The following RANBP3L variants were observed in gnomAD, a reference collection of about 807,000 sequenced individuals.
RANBP3L encodes ran-binding protein 3-like.
A neutral mutation model predicts 67.2 loss-of-function variants in RANBP3L; 56 were observed. The ratio of observed to expected loss-of-function variants is 0.83; its 90% CI spans 0.67 to 1.04. The LOEUF (loss-of-function observed/expected upper bound fraction) is 1.04. Ranked by LOEUF, RANBP3L falls within the 50% of genes least tolerant of loss-of-function variation. The pLI is 0.00. For synonymous variants in RANBP3L, 164 were observed against 181.4 expected, an observed-to-expected ratio of 0.90 and a Z score of 0.77; for missense variants, 496 against 535.5, an observed-to-expected ratio of 0.93 and a Z score of 0.73.
At chr5:36,276,221 C>T (rs1750556825) in intron 1 of RANBP3L, among the ~76,000 whole-genome samples, 1 of 152,132 alleles carries the variant, frequency 6.6e-6, no homozygotes. Flanking sequence ...GCCATCTAAA[C>T]CTTTGAAAGA....
rs1748429306 is a variant in RANBP3L, at chr5:36,249,000, G to A, written c.*654C>T. On this transcript the variant is annotated 3_prime_UTR_variant, in exon 14 of 14. Transcript: ENST00000296604. ...TCTTACACATGCTTTTTGATACATA[G>A]GTAATGTATTATATTTTATTTATTC... 6.6e-6 allele frequency: 1 copy of A among 152,020 alleles called. No individual in the cohort carries two copies. The allele number at this position is 152,020 out of a possible 1,614,324, so 9.4% of individuals were successfully genotyped here. A position where few individuals can be genotyped will look rare whatever the true frequency, so the allele number is the denominator to read the frequency against.
chr5:36,269,117 G>A (rs1423224), intron 4 of RANBP3L, among the ~76,000 whole-genome samples: 130,929 of 152,202 alleles, frequency 0.86, 57,908 homozygotes, highest in Non-Finnish European at 0.97. Flanking sequence ...GTACAGGGAG[G>A]AGACCAAATC....
At chr5:36,291,397 A>ATTT (rs1245218377) in intron 1 of RANBP3L, among the ~76,000 whole-genome samples, 2 of 145,422 alleles carry the variant, frequency 1.4e-5, no homozygotes, top group African/African-American at 5.1e-5. Flanking sequence ...TATCTTATTT[A>ATTT]TTTTTATTAT....
chr5:36,293,928 G>T (rs1326620860), intron 1 of RANBP3L, among the ~76,000 whole-genome samples: 3 of 150,640 alleles, frequency 2.0e-5, no homozygotes, highest in Non-Finnish European at 3.0e-5. Flanking sequence ...AATGAGTTAT[G>T]GAGGATTCCC....
chr5:36,291,690 A>G (rs1751790175), intron 1 of RANBP3L, among the ~76,000 whole-genome samples: 3 of 148,744 alleles, frequency 2.0e-5, no homozygotes, highest in African/African-American at 7.5e-5. Flanking sequence ...GAGAATGATA[A>G]TTTCCAATTT....
chr5:36,300,203 A>C (rs542054465), intron 1 of RANBP3L, among the ~76,000 whole-genome samples: 1 of 152,344 alleles, frequency 6.6e-6, no homozygotes, highest in African/African-American at 2.4e-5. Flanking sequence ...ACCCTGACAC[A>C]TTCCAGGACT....
intron 11 of RANBP3L, 57 bp from the exon 12 acceptor site, chr5:36,253,846 C>A (rs1748776020): frequency 6.6e-7 from 1 of 1,511,902 alleles, no homozygotes; most frequent in Admixed American, 2.1e-5. Flanking sequence ...GAGGAATTTA[C>A]CATTTTCAAA....
intron 1 of RANBP3L, among the ~76,000 whole-genome samples, chr5:36,296,505 T>C (rs1183332742): frequency 6.6e-6 from 1 of 152,152 alleles, no homozygotes; most frequent in African/African-American, 2.4e-5. Context: ...AAATTAAACA[T>C]TGTAATACTA....
chr5:36,249,758 A>G (rs1475986741), intron 13 of RANBP3L, 61 bp from the exon 14 acceptor site: 1 of 819,490 alleles, frequency 1.2e-6, no homozygotes, highest in Admixed American at 2.3e-5. Flanking sequence ...GATTTTTAAT[A>G]TTGAATGCAA....
chr5:36,284,541 A>G (rs1385894533), intron 1 of RANBP3L, among the ~76,000 whole-genome samples: 2 of 152,212 alleles, frequency 1.3e-5, no homozygotes, highest in African/African-American at 2.4e-5. Context: ...GAATTATAAT[A>G]GTGACTATTA....
At chr5:36,289,268 A>G (rs542439701) in intron 1 of RANBP3L, among the ~76,000 whole-genome samples, 1 of 152,252 alleles carries the variant, frequency 6.6e-6, no homozygotes, top group Admixed American at 6.5e-5. Context: ...TGTTCCAATA[A>G]TAGATTTTTC....
In RANBP3L at chr5:36,297,513, G is replaced by A. The variant is rs983951185; in HGVS notation, c.91+3813C>T. Among the ~76,000 whole-genome samples the A allele has an allele frequency of 1.1e-4, 17 of 151,940 alleles. 1 individual carries two copies. Among genetic ancestry groups the A allele is most frequent in the Admixed American group, 1.1e-3 (17 of 15,234 alleles). The stretch of plus-strand genomic sequence containing the variant: ...CTTGACTACACTATTTCATTTGGTT[G>A]TTGTGAAAATTAATGAAATAATGTA... On this transcript the variant is annotated intron_variant, in intron 1 of 13. Coordinates refer to ENST00000296604, the MANE Select transcript of RANBP3L (RefSeq NM_145000.5).
intron 12 of RANBP3L, among the ~76,000 whole-genome samples, chr5:36,253,429 A>T (rs1224364440): frequency 6.6e-6 from 1 of 152,112 alleles, no homozygotes; most frequent in African/African-American, 2.4e-5. Flanking sequence ...TGTATCACAC[A>T]AATGTCTTGG....
In RANBP3L at chr5:36,264,958, C is replaced by A; in HGVS notation, c.480+1G>T. ...AGTTCCGTTATCCTGGGCTTTCTCACCTTATTATTTGTTTTTTCTTTAGTC... is the reference window on the plus strand; with the variant it reads ...AGTTCCGTTATCCTGGGCTTTCTCAACTTATTATTTGTTTTTTCTTTAGTC... On this transcript the variant is annotated splice_donor_variant, in intron 6 of 13. Transcript: ENST00000296604. LOFTEE classifies it high-confidence loss of function. 6.2e-7 allele frequency: 1 copy of A among 1,611,540 alleles called. No individual in the cohort carries two copies. Among genetic ancestry groups the A allele is most frequent in the South Asian group, 1.1e-5 (1 of 90,262 alleles).
intron 7 of RANBP3L, 97 bp downstream of exon 7, chr5:36,261,842 T>A: frequency 1.8e-6 from 1 of 551,786 alleles, no homozygotes; most frequent in Non-Finnish European, 3.2e-6. Context: ...TGGCAATTTA[T>A]CCGTACAAGG....
intron 3 of RANBP3L, 132 bp downstream of exon 3, chr5:36,269,819 A>G (rs1161902583): frequency 1.0e-5 from 8 of 786,468 alleles, no homozygotes; most frequent in Non-Finnish European, 1.3e-5. Context: ...AACAAAAGTG[A>G]ATCTACTGGC....
At chr5:36,283,156 C>A (rs867772638) in intron 1 of RANBP3L, among the ~76,000 whole-genome samples, 1 of 152,192 alleles carries the variant, frequency 6.6e-6, no homozygotes. Context: ...CTCCTGAGTT[C>A]AAGTAATTCT....
intron 1 of RANBP3L, among the ~76,000 whole-genome samples, chr5:36,272,534 G>A (rs1750293451): frequency 6.6e-6 from 1 of 152,168 alleles, no homozygotes; most frequent in African/African-American, 2.4e-5. Flanking sequence ...GTTTCATAAT[G>A]TCTGCAAACA....
chr5:36,291,463 T>A (rs1364262914), intron 1 of RANBP3L, among the ~76,000 whole-genome samples: 1 of 152,120 alleles, frequency 6.6e-6, no homozygotes, highest in East Asian at 1.9e-4. Flanking sequence ...GTTAGTTACA[T>A]ATGTATACAT....
Sources: allele counts gnomAD v4.1 joint callset (sites outside exome capture counted in the v4.1 genomes callset), GRCh38; gene constraint gnomAD v4.1.1; transcripts MANE v1.5; gene names NCBI Gene and HGNC (gene_info 2026-07-23, HGNC 2026-07-21).